The following GATAD2A variants were observed in gnomAD, a reference collection of about 807,000 sequenced individuals.
GATAD2A encodes transcriptional repressor p66-alpha.
A neutral mutation model predicts 68.5 loss-of-function variants in GATAD2A; 12 were observed. The ratio of observed to expected loss-of-function variants is 0.18; its 90% CI spans 0.11 to 0.28. The LOEUF (loss-of-function observed/expected upper bound fraction) is 0.28, where lower values mean the gene tolerates loss of function less well. Among genes scored for constraint, GATAD2A ranks in the 10% least tolerant of loss-of-function variants. The probability of loss-of-function intolerance (pLI) is 1.00; values close to 1 mark genes in which losing one functional copy is unlikely to be tolerated. For synonymous variants in GATAD2A, 410 were observed against 375.3 expected, an observed-to-expected ratio of 1.09 and a Z score of -1.07; for missense variants, 755 against 868.5, an observed-to-expected ratio of 0.87 and a Z score of 1.64.
intron 1 of GATAD2A, among the ~76,000 whole-genome samples, chr19:19,421,238 TAGAG>T (rs770252090): frequency 2.0e-4 from 30 of 152,002 alleles, no homozygotes; most frequent in Non-Finnish European, 3.1e-4. Context: ...TGGCTTGAGA[TAGAG>T]GGAGGGAGGG....
At chr19:19,501,514 C>A in intron 9 of GATAD2A, 98 bp downstream of exon 9, 3 of 963,078 alleles carry the variant, frequency 3.1e-6, no homozygotes, top group Non-Finnish European at 4.5e-6. Flanking sequence ...TTGTTAACTG[C>A]ACGTCTAAAT....
intron 1 of GATAD2A, among the ~76,000 whole-genome samples, chr19:19,392,246 C>T (rs1357682238): frequency 6.6e-6 from 1 of 150,976 alleles, no homozygotes; most frequent in Non-Finnish European, 1.5e-5. Context: ...CCACCATGCC[C>T]GGCTAATTTT....
At chr19:19,442,458 T>C (rs781611180) in intron 1 of GATAD2A, among the ~76,000 whole-genome samples, 11 of 152,000 alleles carry the variant, frequency 7.2e-5, no homozygotes, top group Non-Finnish European at 1.5e-4. Flanking sequence ...AAACCCCGTC[T>C]CTACTGAAAA....
intron 11 of GATAD2A, among the ~76,000 whole-genome samples, chr19:19,503,884 T>C (rs1274494915): frequency 6.6e-6 from 1 of 152,152 alleles, no homozygotes; most frequent in Non-Finnish European, 1.5e-5. Flanking sequence ...GGGAACGCTT[T>C]TTCCACAAAA....
chr19:19,438,041 C>G (rs2054569290), intron 1 of GATAD2A, among the ~76,000 whole-genome samples: 1 of 152,212 alleles, frequency 6.6e-6, no homozygotes, highest in Admixed American at 6.5e-5. Flanking sequence ...CATTCCCTGA[C>G]ACTTACACAG....
chr19:19,414,991 C>T (rs1188417249), intron 1 of GATAD2A, among the ~76,000 whole-genome samples: 1 of 151,316 alleles, frequency 6.6e-6, no homozygotes, highest in Non-Finnish European at 1.5e-5. Context: ...TGTAGTGGCT[C>T]AGGTAACCTT....
At chr19:19,467,451 C>A (rs1278629679) in intron 2 of GATAD2A, among the ~76,000 whole-genome samples, 1 of 152,168 alleles carries the variant, frequency 6.6e-6, no homozygotes, top group Non-Finnish European at 1.5e-5. Context: ...CAAGGGTAAT[C>A]ACTTTCTTGA....
chr19:19,482,288 C>T (rs1216963320), intron 2 of GATAD2A, among the ~76,000 whole-genome samples: 1 of 152,126 alleles, frequency 6.6e-6, no homozygotes, highest in East Asian at 1.9e-4. Context: ...CCTGTAGTCC[C>T]AGTTACTGGA....
At chr19:19,429,300 G>T (rs1458516964) in intron 1 of GATAD2A, 11 of 883,260 alleles carry the variant, frequency 1.2e-5, no homozygotes, top group Non-Finnish European at 1.5e-5. Context: ...CCCAAAGGAT[G>T]GGTGGGAGCT....
chr19:19,418,508 T>G (rs2051932521), intron 1 of GATAD2A, among the ~76,000 whole-genome samples: 2 of 152,188 alleles, frequency 1.3e-5, no homozygotes, highest in African/African-American at 4.8e-5. Context: ...CTGAGAAAGA[T>G]CTTTGTAGCA....
chr19:19,452,056 A>T (rs1416175779), intron 1 of GATAD2A, among the ~76,000 whole-genome samples: 1 of 152,204 alleles, frequency 6.6e-6, no homozygotes. Context: ...GGAGGAGGGG[A>T]TGAAAACTGT....
intron 1 of GATAD2A, among the ~76,000 whole-genome samples, chr19:19,442,692 C>G (rs911233624): frequency 6.6e-6 from 1 of 151,478 alleles, no homozygotes; most frequent in Non-Finnish European, 1.5e-5. Flanking sequence ...CCTAGCTGTT[C>G]CGGAGGCCAA....
At position 19,495,662 on chromosome 19, in the gene GATAD2A, T is replaced by C. The variant is rs529057667; in HGVS notation, c.625-92T>C. The C allele has an allele frequency of 7.4e-6, 8 of 1,086,102 alleles. No individual in the cohort carries two copies. In the Admixed American group the frequency reaches 1.0e-4, roughly 14 times the overall value. 67.3% of individuals were successfully genotyped at this position (1,086,102 alleles called of 1,614,324 possible). A position where few individuals can be genotyped will look rare whatever the true frequency, so the allele number is the denominator to read the frequency against. On this transcript the variant is annotated intron_variant, in intron 5 of 11. Transcript: ENST00000683918. ...AAAAAAAAAAAAAAAAAAACTAGTA[T>C]GTACTTTCATAAAAGCAGCAAAACT...
intron 1 of GATAD2A, among the ~76,000 whole-genome samples, chr19:19,391,946 A>G (rs947172490): frequency 3.3e-5 from 5 of 152,130 alleles, no homozygotes; most frequent in African/African-American, 1.2e-4. Context: ...GGAAATAACT[A>G]CTGTGTCAAG....
chr19:19,423,630 G>C lies in GATAD2A; in HGVS notation c.-7+17611G>C, dbSNP rs532461761. ...AGTCTGAGAATTTACCGAATTGACT[G>C]TTTGATTTGGCAGCTGATGGTCAGA... is the stretch of plus-strand genomic sequence containing the variant. On this transcript the variant is annotated intron_variant, in intron 1 of 11. Coordinates refer to ENST00000683918, the MANE Select transcript of GATAD2A (RefSeq NM_001384528.1). Among the ~76,000 whole-genome samples the C allele has an allele frequency of 3.1e-3, 473 of 151,584 alleles. 5 individuals are homozygous for C. Among genetic ancestry groups the C allele is most frequent in the African/African-American group, 0.011 (469 of 41,572 alleles).
At chr19:19,438,654 C>G (rs2054638831) in intron 1 of GATAD2A, among the ~76,000 whole-genome samples, 1 of 152,208 alleles carries the variant, frequency 6.6e-6, no homozygotes, top group Admixed American at 6.5e-5. Context: ...TTCTCTGTTG[C>G]CAGCCAGCAG....
chr19:19,488,677 C>G (rs562301171), intron 2 of GATAD2A, among the ~76,000 whole-genome samples: 19 of 152,350 alleles, frequency 1.2e-4, no homozygotes, highest in African/African-American at 4.6e-4. Context: ...GAGGTCAGGG[C>G]CAGTGCCAGC....
At position 19,506,536 on chromosome 19, in the gene GATAD2A, G is replaced by C. The variant is rs2060875319; in HGVS notation, c.*1062G>C. The C allele has an allele frequency of 1.2e-5, 2 of 173,560 alleles. No individual in the cohort carries two copies. The highest frequency in any genetic ancestry group is 1.5e-4 in the East Asian group (1 of 6,632). The allele number at this position is 173,560 out of a possible 1,614,324, so 10.8% of individuals were successfully genotyped here. On this transcript the variant is annotated 3_prime_UTR_variant, in exon 12 of 12. Coordinates refer to ENST00000683918, the MANE Select transcript of GATAD2A (RefSeq NM_001384528.1). The stretch of plus-strand genomic sequence containing the variant: ...GGTGTGCGGCGAGCCGCTGCGCACA[G>C]ATGTCAGGATTTCCGTTTGGGTCTA...
At chr19:19,493,504 G>A (rs1170189299) in intron 4 of GATAD2A, among the ~76,000 whole-genome samples, 2 of 152,192 alleles carry the variant, frequency 1.3e-5, no homozygotes, top group Non-Finnish European at 2.9e-5. Context: ...CCCGAAGCTC[G>A]CTGTTGCGCT....
Sources: allele counts gnomAD v4.1 joint callset (sites outside exome capture counted in the v4.1 genomes callset), GRCh38; gene constraint gnomAD v4.1.1; transcripts MANE v1.5; gene names NCBI Gene and HGNC (gene_info 2026-07-23, HGNC 2026-07-21).